INPP5K: variants seen among roughly 807,000 people sequenced by gnomAD.
The protein encoded by INPP5K is inositol polyphosphate-5-phosphatase K, also known as inositol polyphosphate 5-phosphatase K.
A neutral mutation model predicts 53.5 loss-of-function variants in INPP5K; 35 were observed. The observed-to-expected ratio is 0.65, with a 90% CI of 0.50 to 0.87. The LOEUF (loss-of-function observed/expected upper bound fraction) is 0.87. Among genes scored for constraint, INPP5K ranks in the 40% least tolerant of loss-of-function variants. The pLI is 0.00. For synonymous variants in INPP5K, 253 were observed against 232.8 expected (o/e 1.09, Z -0.79); for missense variants, 550 against 586.2 (o/e 0.94, Z 0.64).
At position 1,503,928 on chromosome 17, in the gene INPP5K, G is replaced by A. The variant is rs78993267; in HGVS notation, c.776+3052C>T. Among the ~76,000 whole-genome samples the A allele has an allele frequency of 2.1e-3, 313 of 152,120 alleles. 1 individual carries two copies. The highest frequency in any genetic ancestry group is 7.0e-3 in the African/African-American group (291 of 41,498). The stretch of plus-strand genomic sequence containing the variant: ...ACGCTCACAGTCACTTCATCAAACC[G>A]GCCCCCTCCAGGTTCCTCTCGTCAG... On this transcript the variant is annotated intron_variant, in intron 7 of 11. Coordinates refer to ENST00000421807, the MANE Select transcript of INPP5K (RefSeq NM_016532.4).
chr17:1,515,458 A>G, intron 1 of INPP5K: 1 of 985,582 alleles, frequency 1.0e-6, no homozygotes, highest in Non-Finnish European at 1.2e-6. Flanking sequence ...CAGTCACAGC[A>G]GCTCTTCAAG....
intron 5 of INPP5K, 33 bp downstream of exon 5, chr17:1,509,145 G>A (rs2075243472): frequency 5.0e-6 from 7 of 1,387,654 alleles, no homozygotes; most frequent in Non-Finnish European, 3.8e-6. Context: ...GTGGGGCAGA[G>A]GGCGGGGAAC....
Position 1,495,728 on chromosome 17 carries a change from A to C in INPP5K, c.*95T>G. ...GTGGACGACACTTGGCTGTCTCTTC[A>C]GGGGGCCAGGCTGGGCCCCCAGCAC... On this transcript the variant is annotated 3_prime_UTR_variant, in exon 12 of 12. Transcript: ENST00000421807. 1.2e-6 allele frequency: 1 copy of C among 841,420 alleles called. No homozygotes were observed. Among genetic ancestry groups the C allele is most frequent in the Admixed American group, 2.4e-5 (1 of 41,434 alleles). 52.1% of individuals were successfully genotyped at this position (841,420 alleles called of 1,614,324 possible).
At chr17:1,504,536 T>C (rs907319507) in intron 7 of INPP5K, among the ~76,000 whole-genome samples, 2 of 152,224 alleles carry the variant, frequency 1.3e-5, no homozygotes, top group African/African-American at 4.8e-5. Context: ...TTTCCTGGGC[T>C]CCAGCCAAAG....
intron 3 of INPP5K, among the ~76,000 whole-genome samples, chr17:1,511,986 C>A (rs570769013): frequency 1.3e-5 from 2 of 152,024 alleles, no homozygotes; most frequent in Non-Finnish European, 2.9e-5. Flanking sequence ...GTAGGAGGAG[C>A]GAAGAAAGGA....
At chr17:1,503,471 C>T (rs186110697) in intron 7 of INPP5K, among the ~76,000 whole-genome samples, 140 of 152,272 alleles carry the variant, frequency 9.2e-4, no homozygotes, top group African/African-American at 3.2e-3. Flanking sequence ...GCGTGAGCCA[C>T]CGCACCCGGC....
chr17:1,511,164 A>T (rs914298345), intron 3 of INPP5K, among the ~76,000 whole-genome samples: 54 of 152,162 alleles, frequency 3.5e-4, no homozygotes, highest in African/African-American at 1.3e-3. Context: ...GAGAATAGCT[A>T]ACATCTGCTC....
rs552480369 is a variant in INPP5K at position 1,504,495 on chromosome 17, T to C, written c.776+2485A>G. On this transcript the variant is annotated intron_variant, in intron 7 of 11. Coordinates refer to ENST00000421807, the MANE Select transcript of INPP5K (RefSeq NM_016532.4). ...CCAGCCAGGAGTATTTCAGTTACCA[T>C]GTCCCCTGTTCCCGCCCAGACAGTC... 5.3e-5 allele frequency among the ~76,000 whole-genome samples: 8 copies of C among 152,364 alleles called. 1 individual carries two copies. The East Asian group carries it at 7.7e-4, about 15-fold the overall frequency.
chr17:1,502,755 T>C (rs565976064), intron 7 of INPP5K, among the ~76,000 whole-genome samples: 1 of 152,250 alleles, frequency 6.6e-6, no homozygotes, highest in African/African-American at 2.4e-5. Context: ...AGAGACAGGG[T>C]CTTGCTGTCA....
At chr17:1,499,303 G>C (rs2074944660) in intron 7 of INPP5K, among the ~76,000 whole-genome samples, 1 of 152,102 alleles carries the variant, frequency 6.6e-6, no homozygotes, top group African/African-American at 2.4e-5. Context: ...ATGAGGTCAG[G>C]AGATCGAGAC....
rs535070247 is a variant in INPP5K, at chr17:1,507,453, C to T, written c.667-364G>A. ...GGCACCTCACCCTCCAAGAGGGAAA[C>T]GAGGCTGGGGATGGGAAAGACGACA... On this transcript the variant is annotated intron_variant, in intron 6 of 11. Transcript: ENST00000421807. 2.2e-3 allele frequency: 527 copies of T among 238,274 alleles called. 1 individual carries two copies. Among genetic ancestry groups the T allele is most frequent in the African/African-American group, 0.011 (481 of 44,516 alleles). 14.8% of individuals were successfully genotyped at this position (238,274 alleles called of 1,614,324 possible).
At chr17:1,511,290 G>T (rs2075301903) in intron 3 of INPP5K, among the ~76,000 whole-genome samples, 1 of 151,972 alleles carries the variant, frequency 6.6e-6, no homozygotes, top group Non-Finnish European at 1.5e-5. Flanking sequence ...TACCTGTATT[G>T]TAAAACAACA....
intron 7 of INPP5K, among the ~76,000 whole-genome samples, chr17:1,505,196 GCTCACTGCAGC>G (rs1041319264): frequency 9.2e-5 from 14 of 152,236 alleles, no homozygotes; most frequent in Admixed American, 5.2e-4. Context: ...GTCAATCTCA[GCTCACTGCAGC>G]CTTTAACTCC....
intron 3 of INPP5K, among the ~76,000 whole-genome samples, chr17:1,511,274 T>G (rs546539151): frequency 6.6e-6 from 1 of 151,996 alleles, no homozygotes; most frequent in African/African-American, 2.4e-5. Context: ...AAGGAACCAG[T>G]AGGGCTACCT....
intron 7 of INPP5K, among the ~76,000 whole-genome samples, chr17:1,501,858 A>AACACACAC (rs144743570): frequency 8.1e-5 from 12 of 147,826 alleles, no homozygotes; most frequent in East Asian, 2.0e-4. Context: ...CTCTACTAAA[A>AACACACAC]ACACACACAC....
intron 9 of INPP5K, 127 bp downstream of exon 9, chr17:1,496,539 A>G (rs756809281): frequency 4.1e-5 from 58 of 1,397,996 alleles, no homozygotes; most frequent in Non-Finnish European, 5.6e-5. Context: ...GCCAGCCTTT[A>G]GCTACAGAAG....
At chr17:1,498,202 G>C (rs2074913693) in intron 7 of INPP5K, 80 bp from the exon 8 acceptor site, 1 of 1,249,322 alleles carries the variant, frequency 8.0e-7, no homozygotes, top group African/African-American at 1.5e-5. Context: ...GCCCACATGA[G>C]CTTGCTGGAG....
chr17:1,514,129 C>T (rs2075375396), intron 1 of INPP5K, 150 bp from the exon 2 acceptor site: 1 of 466,712 alleles, frequency 2.1e-6, no homozygotes, highest in African/African-American at 2.0e-5. Context: ...TCGAGACAAG[C>T]CTGGCCAACA....
intron 1 of INPP5K, 149 bp from the exon 2 acceptor site, chr17:1,514,128 G>C (rs2075375318): frequency 2.1e-6 from 1 of 468,910 alleles, no homozygotes; most frequent in East Asian, 3.5e-5. Flanking sequence ...TTCGAGACAA[G>C]CCTGGCCAAC....
Sources: allele counts gnomAD v4.1 joint callset (sites outside exome capture counted in the v4.1 genomes callset), GRCh38; gene constraint gnomAD v4.1.1; transcripts MANE v1.5; gene names NCBI Gene and HGNC (gene_info 2026-07-23, HGNC 2026-07-21).